NNMT: variants seen among roughly 807,000 people sequenced by gnomAD.
NNMT encodes the protein nicotinamide N-methyltransferase.
A neutral mutation model predicts 11.7 loss-of-function variants in NNMT; 10 were observed. That is an observed-to-expected ratio of 0.85 (90% CI 0.53 to 1.45). NNMT has a LOEUF of 1.45. NNMT is among the 40% of genes most tolerant of loss of function. The pLI, the probability that NNMT is intolerant of heterozygous loss-of-function variation, is 0.00. For missense variants in NNMT, 381 were observed against 319.4 expected (o/e 1.19, Z -1.47); for synonymous variants, 143 against 133.8 (o/e 1.07, Z -0.48).
intron 1 of NNMT, among the ~76,000 whole-genome samples, chr11:114,262,316 C>G (rs945107750): frequency 3.3e-5 from 5 of 152,126 alleles, no homozygotes; most frequent in Non-Finnish European, 7.4e-5. Flanking sequence ...AGTTACTAAG[C>G]CCAGCATTCC....
chr11:114,264,691 A>C (rs1472538446), intron 2 of NNMT, among the ~76,000 whole-genome samples: 1 of 152,200 alleles, frequency 6.6e-6, no homozygotes, highest in Non-Finnish European at 1.5e-5. Context: ...AGGTTGTTTG[A>C]TCCGTGCTTC....
intron 2 of NNMT, among the ~76,000 whole-genome samples, chr11:114,291,129 A>T (rs149644290): frequency 3.9e-5 from 6 of 152,354 alleles, no homozygotes; most frequent in African/African-American, 1.4e-4. Context: ...GCACATATAG[A>T]ACAGTACTTG....
intron 2 of NNMT, among the ~76,000 whole-genome samples, chr11:114,281,892 A>G (rs916808686): frequency 2.0e-5 from 3 of 152,176 alleles, no homozygotes; most frequent in African/African-American, 7.2e-5. Flanking sequence ...TGTCTTCTTC[A>G]CTGTGCCTGA....
At chr11:114,260,737 G>A (rs950961338) in intron 1 of NNMT, among the ~76,000 whole-genome samples, 3 of 152,182 alleles carry the variant, frequency 2.0e-5, no homozygotes, top group Admixed American at 6.5e-5. Flanking sequence ...TGCAGCATAC[G>A]GACCCACGGA....
chr11:114,271,722 C>T (rs1945171643), intron 2 of NNMT, among the ~76,000 whole-genome samples: 1 of 152,194 alleles, frequency 6.6e-6, no homozygotes, highest in Non-Finnish European at 1.5e-5. Context: ...GGACAGAAAC[C>T]AGGGTGTTGT....
chr11:114,274,313 G>C (rs965470228), intron 2 of NNMT, among the ~76,000 whole-genome samples: 1 of 152,242 alleles, frequency 6.6e-6, no homozygotes, highest in Non-Finnish European at 1.5e-5. Context: ...GTGACTAATT[G>C]GCATTGGCCC....
chr11:114,309,176 C>A (rs1001891735), intron 2 of NNMT, among the ~76,000 whole-genome samples: 1 of 152,144 alleles, frequency 6.6e-6, no homozygotes, highest in Non-Finnish European at 1.5e-5. Flanking sequence ...TTCCTATGTG[C>A]AGATAGGTTA....
chr11:114,265,644 G>A (rs1046685995), intron 2 of NNMT, among the ~76,000 whole-genome samples: 1 of 152,170 alleles, frequency 6.6e-6, no homozygotes, highest in African/African-American at 2.4e-5. Flanking sequence ...TCCTGCTTGT[G>A]CAAATCTGGG....
chr11:114,284,992 T>C (rs930052112), intron 2 of NNMT, among the ~76,000 whole-genome samples: 6 of 151,822 alleles, frequency 4.0e-5, no homozygotes, highest in Non-Finnish European at 8.8e-5. Context: ...GGTCTTGAAC[T>C]CCTGATCCGC....
chr11:114,284,923 C>T (rs1945287193), intron 2 of NNMT, among the ~76,000 whole-genome samples: 1 of 151,912 alleles, frequency 6.6e-6, no homozygotes, highest in East Asian at 1.9e-4. Flanking sequence ...GTGCATACCA[C>T]CATGACGGGC....
intron 2 of NNMT, among the ~76,000 whole-genome samples, chr11:114,285,833 C>T (rs1054112183): frequency 6.6e-6 from 1 of 152,172 alleles, no homozygotes; most frequent in African/African-American, 2.4e-5. Context: ...ATTGCTGTGG[C>T]GTACCCAGGG....
rs779823858 is a variant in NNMT, at chr11:114,312,104, G to T, written c.422G>T (p.Cys141Phe). ...CAGGCGGTCAAGCAGGTGCTGAAGT[G>T]TGATGTGACTCAGAGCCAGCCACTG... ...LRQAVKQVLK[C>F]DVTQSQPLGA... The change falls in exon 3 of 3, where the codon TGT becomes TTT. Residue 141 changes from cysteine (C) to phenylalanine (F), a missense_variant. Physicochemically the swap from Cys to Phe is radical, Grantham distance 205. Coordinates refer to ENST00000299964, the MANE Select transcript of NNMT (RefSeq NM_006169.3). 1.1e-5 allele frequency: 18 copies of T among 1,611,568 alleles called. No individual in the cohort carries two copies. In the Admixed American group the frequency reaches 2.8e-4, roughly 25 times the overall value.
At chr11:114,266,126 G>A (rs1945117854) in intron 2 of NNMT, among the ~76,000 whole-genome samples, 1 of 151,902 alleles carries the variant, frequency 6.6e-6, no homozygotes, top group South Asian at 2.1e-4. Context: ...TTTCTTCTCG[G>A]GAAATTGTCA....
At chr11:114,261,261 A>G (rs1945078155) in intron 1 of NNMT, among the ~76,000 whole-genome samples, 1 of 152,166 alleles carries the variant, frequency 6.6e-6, no homozygotes, top group South Asian at 2.1e-4. Context: ...CCGCCTGGAA[A>G]GCAACTGGGG....
intron 1 of NNMT, among the ~76,000 whole-genome samples, chr11:114,261,503 G>T (rs1250970164): frequency 6.6e-6 from 1 of 152,216 alleles, no homozygotes; most frequent in Non-Finnish European, 1.5e-5. Flanking sequence ...AGAATCGCTT[G>T]AACCCGGGAG....
chr11:114,304,653 T>C (rs1053716482), intron 2 of NNMT, among the ~76,000 whole-genome samples: 22 of 152,294 alleles, frequency 1.4e-4, no homozygotes, highest in African/African-American at 5.3e-4. Context: ...TACTGTCTCC[T>C]GTTCTTCTAC....
intron 2 of NNMT, among the ~76,000 whole-genome samples, chr11:114,305,966 C>T (rs576311844): frequency 0.012 from 1,898 of 152,250 alleles, 44 homozygotes; most frequent in African/African-American, 0.044. Flanking sequence ...GTCCCACCAA[C>T]AATGTAAAAG....
intron 2 of NNMT, chr11:114,298,465 G>A: frequency 3.0e-6 from 1 of 336,054 alleles, no homozygotes; most frequent in South Asian, 3.1e-5. Flanking sequence ...GTGCAGTCAA[G>A]TACCTTGGGA....
At chr11:114,258,091 C>G (rs1281890632) in intron 1 of NNMT, among the ~76,000 whole-genome samples, 2 of 152,352 alleles carry the variant, frequency 1.3e-5, no homozygotes, top group East Asian at 3.9e-4. Flanking sequence ...CCGGCTGCCA[C>G]TGCCCTCTGC....
Sources: allele counts gnomAD v4.1 joint callset (sites outside exome capture counted in the v4.1 genomes callset), GRCh38; gene constraint gnomAD v4.1.1; transcripts MANE v1.5; gene names NCBI Gene and HGNC (gene_info 2026-07-23, HGNC 2026-07-21).